CTNNA2: variants seen among roughly 807,000 people sequenced by gnomAD.
CTNNA2 encodes the protein catenin alpha 2, also known as catenin alpha-2.
In CTNNA2, 42 loss-of-function variants were observed where a neutral mutation model predicts 101.0. The observed-to-expected ratio is 0.42, with a 90% CI of 0.32 to 0.54. CTNNA2 has a LOEUF of 0.54. Ranked by LOEUF, CTNNA2 falls within the 20% of genes least tolerant of loss-of-function variation. The probability of loss-of-function intolerance (pLI) is 0.14; values close to 1 mark genes in which losing one functional copy is unlikely to be tolerated. For missense variants in CTNNA2, 871 were observed against 1,223.1 expected (o/e 0.71, Z 4.29); for synonymous variants, 450 against 456.4 (o/e 0.99, Z 0.18).
chr2:79,883,594 A>G (rs1325678715), intron 6 of CTNNA2, among the ~76,000 whole-genome samples: 2 of 152,238 alleles, frequency 1.3e-5, no homozygotes, highest in African/African-American at 2.4e-5. Context: ...TAAGAAAAAT[A>G]TAGTGACTGC....
chr2:79,784,122 C>A (rs1674661073), intron 3 of CTNNA2, among the ~76,000 whole-genome samples: 1 of 152,152 alleles, frequency 6.6e-6, no homozygotes, highest in Non-Finnish European at 1.5e-5. Context: ...TGATTGACAG[C>A]ACCATCACCC....
chr2:80,250,643 G>T (rs1300264298), intron 7 of CTNNA2, among the ~76,000 whole-genome samples: 2 of 152,096 alleles, frequency 1.3e-5, no homozygotes, highest in Non-Finnish European at 1.5e-5. Context: ...CAGTGGAGAG[G>T]TTAGTAAGTG....
chr2:80,313,596 G>A (rs1443436918), intron 7 of CTNNA2: 1 of 1,611,468 alleles, frequency 6.2e-7, no homozygotes, highest in Non-Finnish European at 8.5e-7. Context: ...CAGTCAGTAG[G>A]CAAAGTCTGT....
At chr2:80,319,392 C>G (rs968532474) in intron 7 of CTNNA2, among the ~76,000 whole-genome samples, 1 of 152,152 alleles carries the variant, frequency 6.6e-6, no homozygotes, top group Non-Finnish European at 1.5e-5. Context: ...AAACTGGCCA[C>G]ATCTCCAGAC....
chr2:79,280,673 GAGAGAGAGAGAA>G (rs199647412), intron 2 of CTNNA2, among the ~76,000 whole-genome samples: 46,069 of 128,358 alleles, frequency 0.36, 8,204 homozygotes, highest in East Asian at 0.4. Flanking sequence ...AAGAGAGAGA[GAGAGAGAGAGAA>G]AGAGAGAGAG....
At chr2:79,401,829 T>C (rs1161993912) in intron 4 of CTNNA2, among the ~76,000 whole-genome samples, 7 of 151,492 alleles carry the variant, frequency 4.6e-5, no homozygotes, top group Non-Finnish European at 7.4e-5. Context: ...TTATTGAATA[T>C]ATACCTTTTA....
intron 9 of CTNNA2, among the ~76,000 whole-genome samples, chr2:80,463,855 C>A (rs1684648744): frequency 6.6e-6 from 1 of 152,130 alleles, no homozygotes; most frequent in Non-Finnish European, 1.5e-5. Context: ...CGCAGAGGAG[C>A]TAGAATTCAT....
intron 7 of CTNNA2, among the ~76,000 whole-genome samples, chr2:80,153,077 G>A (rs1703802173): frequency 6.6e-6 from 1 of 152,188 alleles, no homozygotes; most frequent in African/African-American, 2.4e-5. Context: ...GGTGAAATTT[G>A]CAGCACCATC....
At position 80,507,417 on chromosome 2, in the gene CTNNA2, C is replaced by A. The variant is rs543225713; in HGVS notation, c.1291-37565C>A. Among the ~76,000 whole-genome samples, 8 of 152,220 alleles carry A rather than the reference C, an allele frequency of 5.3e-5. No homozygotes were observed. In the South Asian group the frequency reaches 1.7e-3, roughly 32 times the overall value. On this transcript the variant is annotated intron_variant, in intron 9 of 18. Transcript: ENST00000402739. ...TGGTTTTCTTACCTATATTTGAGTTCTCATAATGTAAAACTACTCTGCCTG... is the reference window on the plus strand; with the variant it reads ...TGGTTTTCTTACCTATATTTGAGTTATCATAATGTAAAACTACTCTGCCTG...
intron 7 of CTNNA2, among the ~76,000 whole-genome samples, chr2:79,914,162 G>T (rs1229833471): frequency 2.3e-5 from 2 of 86,308 alleles, no homozygotes; most frequent in Admixed American, 1.8e-4. Context: ...GCGAGACTCC[G>T]TCTCAAAAAA....
At chr2:80,272,634 T>C (rs1463406979) in intron 7 of CTNNA2, among the ~76,000 whole-genome samples, 1 of 152,180 alleles carries the variant, frequency 6.6e-6, no homozygotes, top group African/African-American at 2.4e-5. Context: ...AACAACTCCA[T>C]ATATTTTCAC....
intron 7 of CTNNA2, among the ~76,000 whole-genome samples, chr2:80,022,100 A>C (rs1342028320): frequency 2.0e-5 from 3 of 152,216 alleles, no homozygotes; most frequent in Non-Finnish European, 4.4e-5. Context: ...GAATTTTCAA[A>C]GCATAAGTGT....
At chr2:80,197,087 AAT>A (rs1238629349) in intron 7 of CTNNA2, among the ~76,000 whole-genome samples, 1 of 152,118 alleles carries the variant, frequency 6.6e-6, no homozygotes, top group African/African-American at 2.4e-5. Context: ...GGTCTCTGTG[AAT>A]ATGTTATTTC....
At chr2:79,706,208 C>CA (rs1481388089) in intron 2 of CTNNA2, among the ~76,000 whole-genome samples, 3 of 151,844 alleles carry the variant, frequency 2.0e-5, no homozygotes, top group Non-Finnish European at 2.9e-5. Flanking sequence ...ACTAAAAATA[C>CA]AAAAAATATG....
intron 2 of CTNNA2, among the ~76,000 whole-genome samples, chr2:79,699,651 A>G (rs1684861756): frequency 6.6e-6 from 1 of 151,542 alleles, no homozygotes; most frequent in Non-Finnish European, 1.5e-5. Context: ...CCTCCATGTT[A>G]GACATCCCAA....
intron 3 of CTNNA2, among the ~76,000 whole-genome samples, chr2:79,839,893 G>A (rs1034661362): frequency 3.3e-5 from 5 of 152,082 alleles, no homozygotes; most frequent in African/African-American, 1.2e-4. Context: ...AAGCACATCT[G>A]TAGTGCTTTC....
chr2:80,306,913 G>A (rs1454035572), intron 7 of CTNNA2, among the ~76,000 whole-genome samples: 1 of 152,076 alleles, frequency 6.6e-6, no homozygotes, highest in Non-Finnish European at 1.5e-5. Context: ...GGTGCAGAGA[G>A]GCAGAAGAGT....
At chr2:79,226,534 C>T (rs1372010311) in intron 2 of CTNNA2, among the ~76,000 whole-genome samples, 2 of 152,118 alleles carry the variant, frequency 1.3e-5, no homozygotes, top group African/African-American at 2.4e-5. Flanking sequence ...ATCAGATATT[C>T]GAGCAGATAT....
At chr2:80,274,068 G>A (rs892840279) in intron 7 of CTNNA2, among the ~76,000 whole-genome samples, 2 of 152,148 alleles carry the variant, frequency 1.3e-5, no homozygotes, top group Admixed American at 1.3e-4. Flanking sequence ...ATTGCTTTTG[G>A]AGTTAGACAC....
Sources: allele counts gnomAD v4.1 joint callset (sites outside exome capture counted in the v4.1 genomes callset), GRCh38; gene constraint gnomAD v4.1.1; transcripts MANE v1.5; gene names NCBI Gene and HGNC (gene_info 2026-07-23, HGNC 2026-07-21).